TEX2: variants seen among roughly 807,000 people sequenced by gnomAD.
TEX2 encodes the protein testis-expressed protein 2.
A neutral mutation model predicts 106.9 loss-of-function variants in TEX2; 53 were observed. The observed-to-expected ratio is 0.50, with a 90% CI of 0.40 to 0.62. The LOEUF (loss-of-function observed/expected upper bound fraction) is 0.62. Ranked by LOEUF, TEX2 falls within the 20% of genes least tolerant of loss-of-function variation. TEX2 has a pLI of 0.00. For missense variants in TEX2, 1,207 were observed against 1,379.0 expected, an observed-to-expected ratio of 0.88 and a Z score of 1.98; for synonymous variants, 523 against 534.8, an observed-to-expected ratio of 0.98 and a Z score of 0.30.
chr17:64,157,757 G>T (rs1183136740), intron 8 of TEX2, among the ~76,000 whole-genome samples: 1 of 152,252 alleles, frequency 6.6e-6, no homozygotes, highest in Non-Finnish European at 1.5e-5. Flanking sequence ...CAGGCACTCA[G>T]TGCCCAGAAC....
intron 1 of TEX2, among the ~76,000 whole-genome samples, chr17:64,227,987 A>G (rs1313959603): frequency 6.6e-6 from 1 of 152,218 alleles, no homozygotes; most frequent in Non-Finnish European, 1.5e-5. Flanking sequence ...TAATTCAAGA[A>G]TACCACTTGA....
At chr17:64,206,141 C>A (rs948875885) in intron 2 of TEX2, among the ~76,000 whole-genome samples, 7 of 152,160 alleles carry the variant, frequency 4.6e-5, no homozygotes, top group African/African-American at 1.7e-4. Context: ...ACTCTAAATG[C>A]CCCATTTTCC....
intron 4 of TEX2, among the ~76,000 whole-genome samples, chr17:64,189,019 G>A (rs2032197168): frequency 1.3e-5 from 2 of 152,140 alleles, no homozygotes; most frequent in South Asian, 2.1e-4. Flanking sequence ...CACATCCCAA[G>A]TAGTGGCGAA....
intron 1 of TEX2, among the ~76,000 whole-genome samples, chr17:64,225,702 CTTTTCTTTTT>C (rs146816359): frequency 0.074 from 11,240 of 151,928 alleles, 505 homozygotes; most frequent in Non-Finnish European, 0.11. Context: ...TTTTTCTTTT[CTTTTCTTTTT>C]TTTTGTTTGT....
At position 64,213,526 on chromosome 17, in the gene TEX2, T is replaced by A. The variant is rs1555632075; in HGVS notation, c.692A>T (p.Asp231Val). ...LSTDTSRQES[D>V]TVSYKPPDSK... ...ATCAGGTGGCTTATAGGACACTGTA[T>A]CCGACTCCTGCCGGGAAGTGTCCGT... Residue 231 changes from aspartate to valine, a missense_variant, in exon 2 of 12, where the codon GAT (aspartate) becomes GTT (valine). This residue lies in a region of TEX2 where 1,067 missense variants were observed against 1,193.6 expected (regional missense o/e 0.89). Transcript: ENST00000584379. This position sits in a 1 kb window ranked among gnomAD's most constrained non-coding sequence, Gnocchi z 4.4. 1.2e-6 allele frequency: 2 copies of A among 1,614,144 alleles called. No homozygotes were observed. Among genetic ancestry groups the A allele is most frequent in the East Asian group, 4.5e-5 (2 of 44,884 alleles).
chr17:64,191,817 C>CAAAAGAAAAAAAAA (rs2032305914), intron 4 of TEX2, among the ~76,000 whole-genome samples: 1 of 119,902 alleles, frequency 8.3e-6, no homozygotes, highest in Non-Finnish European at 1.7e-5. Context: ...GACTCCATCT[C>CAAAAGAAAAAAAAA]AAAAAAAAAA....
Position 64,212,573 on chromosome 17 carries a change from C to G in TEX2, c.1644+1G>C. On this transcript the variant is annotated splice_donor_variant, in intron 2 of 11. Transcript: ENST00000584379. LOFTEE classifies it high-confidence loss of function. ...TAGCCAGCTCCCGGGGAGAGGCTTACCTTCAGTATTTCAGGTTCTTTGATA... is the reference window on the plus strand; with the variant it reads ...TAGCCAGCTCCCGGGGAGAGGCTTAGCTTCAGTATTTCAGGTTCTTTGATA... 6.2e-7 allele frequency: 1 copy of G among 1,611,698 alleles called. No homozygotes were observed. Among genetic ancestry groups the G allele is most frequent in the South Asian group, 1.1e-5 (1 of 90,776 alleles).
intron 1 of TEX2, among the ~76,000 whole-genome samples, chr17:64,236,795 T>C (rs1448453877): frequency 1.3e-5 from 2 of 152,274 alleles, no homozygotes; most frequent in Admixed American, 6.5e-5. Context: ...GAGTTAGCTA[T>C]AGATCTATGG....
intron 1 of TEX2, among the ~76,000 whole-genome samples, chr17:64,248,208 A>T (rs1411192194): frequency 6.6e-6 from 1 of 152,248 alleles, no homozygotes; most frequent in Non-Finnish European, 1.5e-5. Flanking sequence ...TGAGAGAAAG[A>T]ATAAGAAATA....
In TEX2 at chr17:64,185,050, A is replaced by G. The variant is rs189558473; in HGVS notation, c.2424+3118T>C. 5.1e-4 allele frequency among the ~76,000 whole-genome samples: 77 copies of G among 152,250 alleles called. No individual in the cohort carries two copies. Among genetic ancestry groups the G allele is most frequent in the Admixed American group, 3.5e-3 (53 of 15,288 alleles). On this transcript the variant is annotated intron_variant, in intron 5 of 11. Coordinates refer to ENST00000584379, the MANE Select transcript of TEX2 (RefSeq NM_001288732.2). This position sits in a 1 kb window ranked among gnomAD's most constrained non-coding sequence, Gnocchi z 4.0. Reference sequence around the variant, plus strand: ...GCCAGTTACAGACTTCCTGGTTTCTATTTGACTCCTATTTGCTCTGTAACA... The same window carrying G: ...GCCAGTTACAGACTTCCTGGTTTCTGTTTGACTCCTATTTGCTCTGTAACA...
At chr17:64,210,713 G>A (rs537176043) in intron 2 of TEX2, among the ~76,000 whole-genome samples, 13 of 143,228 alleles carry the variant, frequency 9.1e-5, no homozygotes, top group African/African-American at 3.3e-4. Flanking sequence ...AAATAGATGG[G>A]AGAATAATAC....
At chr17:64,170,696 GA>G (rs1567914615) in intron 7 of TEX2, among the ~76,000 whole-genome samples, 1 of 146,156 alleles carries the variant, frequency 6.8e-6, no homozygotes, top group East Asian at 2.0e-4. Flanking sequence ...CCAGTGGCAC[GA>G]TCTTGGCTCA....
At chr17:64,164,435 A>C (rs569733465) in intron 7 of TEX2, among the ~76,000 whole-genome samples, 7 of 143,824 alleles carry the variant, frequency 4.9e-5, no homozygotes, top group African/African-American at 1.8e-4. Context: ...AAGAAGAAGA[A>C]AAAAAAAAAA....
intron 1 of TEX2, among the ~76,000 whole-genome samples, chr17:64,223,669 C>T (rs1234865191): frequency 1.3e-5 from 2 of 151,054 alleles, no homozygotes; most frequent in African/African-American, 4.9e-5. Context: ...GAAAATGGAA[C>T]CAGCCTCCAG....
At position 64,193,855 on chromosome 17, in the gene TEX2, C is replaced by G; in HGVS notation, c.1880G>C (p.Arg627Pro). Residue 627 changes from arginine (R) to proline (P), a missense_variant, in exon 4 of 12, where the codon CGA becomes CCA. By Grantham distance (103) the Arg-to-Pro change is moderately radical. Coordinates refer to ENST00000584379, the MANE Select transcript of TEX2 (RefSeq NM_001288732.2). ...YLVPKTLARK[R>P]IWNKKYPICI... ...AATGGGGTACTTTTTATTCCAGATT[C>G]GCTTTCGAGCCAAAGTTTTAGGTAC... The G allele has an allele frequency of 6.4e-7, 1 of 1,565,214 alleles. No homozygotes were observed. The highest frequency in any genetic ancestry group is 8.7e-7 in the Non-Finnish European group (1 of 1,150,842).
At chr17:64,228,290 G>C (rs556388564) in intron 1 of TEX2, among the ~76,000 whole-genome samples, 1 of 152,172 alleles carries the variant, frequency 6.6e-6, no homozygotes, top group East Asian at 1.9e-4. Context: ...CAGAGGCAGC[G>C]GGGTATGGTT....
In TEX2 at chr17:64,162,674, G is replaced by A. The variant is rs760344059; in HGVS notation, c.2672-1741C>T. 4.6e-5 allele frequency among the ~76,000 whole-genome samples: 7 copies of A among 152,306 alleles called. No homozygotes were observed. In the East Asian group the frequency reaches 7.7e-4, roughly 17 times the overall value. ...TCTACCAAATGATGTGTGGTCCAGCGTCCCTGCCAGGAGCTGGGAGGTGGA... is the reference window on the plus strand; with the variant it reads ...TCTACCAAATGATGTGTGGTCCAGCATCCCTGCCAGGAGCTGGGAGGTGGA... On this transcript the variant is annotated intron_variant, in intron 7 of 11. Transcript: ENST00000584379.
chr17:64,224,081 G>A (rs782655769), intron 1 of TEX2, among the ~76,000 whole-genome samples: 5 of 152,170 alleles, frequency 3.3e-5, no homozygotes, highest in East Asian at 1.9e-4. Context: ...CTCTGAACAA[G>A]CTTGCATTTG....
intron 2 of TEX2, among the ~76,000 whole-genome samples, chr17:64,200,691 C>T (rs2143952724): frequency 6.6e-6 from 1 of 152,330 alleles, no homozygotes; most frequent in African/African-American, 2.4e-5. Context: ...TTCAAAAGCA[C>T]AAAACCTTAC....
Sources: gnomAD v4.1 joint callset for allele counts (sites outside exome capture counted in the v4.1 genomes callset) on GRCh38, gnomAD v4.1.1 for gene constraint, gnomAD v4.1.1 regional missense constraint, Gnocchi (gnomAD v3.1) non-coding constraint, MANE v1.5 for transcripts, NCBI Gene and HGNC (gene_info 2026-07-23, HGNC 2026-07-21) for gene names.